The following ITGAD variants were observed in gnomAD, a reference collection of about 807,000 sequenced individuals.
ITGAD encodes integrin alpha-D.
In ITGAD, 105 loss-of-function variants were observed where a neutral mutation model predicts 139.0. That is an observed-to-expected ratio of 0.76 (90% CI 0.65 to 0.89). The LOEUF (loss-of-function observed/expected upper bound fraction) is 0.89. Among genes scored for constraint, ITGAD ranks in the 40% least tolerant of loss-of-function variants. The probability of loss-of-function intolerance (pLI) is 0.00; values close to 1 mark genes in which losing one functional copy is unlikely to be tolerated. For synonymous variants in ITGAD, 569 were observed against 598.3 expected (o/e 0.95, Z 0.71); for missense variants, 1,384 against 1,487.3 (o/e 0.93, Z 1.14).
chr16:31,405,969 C>T (rs1475036220), intron 7 of ITGAD, among the ~76,000 whole-genome samples: 1 of 152,128 alleles, frequency 6.6e-6, no homozygotes, highest in Non-Finnish European at 1.5e-5. Context: ...AAACCCTTTC[C>T]CCAGTGTTGG....
Position 31,418,554 on chromosome 16 carries a change from A to G in ITGAD, c.2770A>G (p.Met924Val), listed in dbSNP as rs141976418. 2.7e-4 allele frequency: 430 copies of G among 1,613,692 alleles called. No homozygotes were observed. Among genetic ancestry groups the G allele is most frequent in the Non-Finnish European group, 3.6e-4 (420 of 1,179,722 alleles). Residue 924 changes from methionine to valine, a missense_variant, in exon 23 of 30, where the codon ATG (methionine) becomes GTG (valine). Coordinates refer to ENST00000389202, the MANE Select transcript of ITGAD (RefSeq NM_005353.3). The stretch of plus-strand genomic sequence containing the variant: ...CCCGGTGAAGTATGCAGTCTACACC[A>G]TGATCAGCAGGTGCCCAGTCCCTGG... The part of the protein sequence containing the change: ...ELPVKYAVYT[M>V]ISRQEESTKY...
At chr16:31,422,468 T>A (rs555744333) in intron 23 of ITGAD, among the ~76,000 whole-genome samples, 29 of 152,282 alleles carry the variant, frequency 1.9e-4, no homozygotes. Flanking sequence ...CCGAATCTAT[T>A]TTCTTCATTC....
intron 10 of ITGAD, among the ~76,000 whole-genome samples, chr16:31,410,153 G>A (rs1396268365): frequency 6.6e-6 from 1 of 152,100 alleles, no homozygotes; most frequent in African/African-American, 2.4e-5. Context: ...CTGGCACTGG[G>A]GCAGTAGACA....
intron 16 of ITGAD, 130 bp downstream of exon 16, chr16:31,413,376 T>C (rs1225331159): frequency 2.4e-5 from 24 of 982,260 alleles, no homozygotes; most frequent in Non-Finnish European, 3.1e-5. Context: ...GCCAGAAACC[T>C]GGCTCATTCT....
At chr16:31,399,010 C>T (rs765441704) in intron 5 of ITGAD, among the ~76,000 whole-genome samples, 8 of 152,126 alleles carry the variant, frequency 5.3e-5, no homozygotes, top group African/African-American at 7.2e-5. Flanking sequence ...ACTTTCCTCT[C>T]GAAGAGGAGC....
rs746166938 is a variant in ITGAD at position 31,397,254 on chromosome 16, C to G, written c.138-105C>G. The G allele has an allele frequency of 2.3e-5, 17 of 736,076 alleles. No homozygotes were observed. The African/African-American group carries it at 2.6e-4, about 11-fold the overall frequency. 45.6% of individuals were successfully genotyped at this position (736,076 alleles called of 1,614,324 possible). A position where few individuals can be genotyped will look rare whatever the true frequency, so the allele number is the denominator to read the frequency against. ...AGTGGCAAATGCCAGGAATTTCCCC[C>G]ACAGAGTCTCGCTTCCCCATGGAGG... On this transcript the variant is annotated intron_variant, in intron 2 of 29. Coordinates refer to ENST00000389202, the MANE Select transcript of ITGAD (RefSeq NM_005353.3).
chr16:31,402,482 T>C (rs895846631), intron 6 of ITGAD: 46 of 339,332 alleles, frequency 1.4e-4, no homozygotes, highest in Admixed American at 4.2e-4. Context: ...TTTAAAAACA[T>C]TGAAAGTGTT....
intron 10 of ITGAD, among the ~76,000 whole-genome samples, chr16:31,409,956 G>A (rs1260137327): frequency 1.3e-5 from 2 of 151,050 alleles, no homozygotes; most frequent in African/African-American, 4.9e-5. Context: ...GACTCTTCCA[G>A]GGAGGGGAAA....
At position 31,414,246 on chromosome 16, in the gene ITGAD, G is replaced by T. The variant is rs78373814; in HGVS notation, c.1997-205G>T. Among the ~76,000 whole-genome samples, 6 of 148,750 alleles carry T rather than the reference G, an allele frequency of 4.0e-5. No homozygotes were observed. The Middle Eastern group carries it at 0.01, about 255-fold the overall frequency. On this transcript the variant is annotated intron_variant, in intron 16 of 29. Coordinates refer to ENST00000389202, the MANE Select transcript of ITGAD (RefSeq NM_005353.3). Reference sequence around the variant, plus strand: ...CTATCATCTATTTATCTATTATCTAGCCATCCATCCATCCATCCATCCATC... The same window carrying T: ...CTATCATCTATTTATCTATTATCTATCCATCCATCCATCCATCCATCCATC...
intron 7 of ITGAD, among the ~76,000 whole-genome samples, chr16:31,405,691 G>A (rs1435191451): frequency 6.8e-6 from 1 of 146,270 alleles, no homozygotes; most frequent in Non-Finnish European, 1.5e-5. Context: ...CTCCCAGGCT[G>A]GGGTGCGGTG....
At chr16:31,424,052 T>G (rs1215230904) in intron 27 of ITGAD, 50 bp from the exon 28 acceptor site, 19 of 1,611,198 alleles carry the variant, frequency 1.2e-5, no homozygotes, top group Admixed American at 1.7e-5. Flanking sequence ...CCCGAAGCTC[T>G]GAGCCTCCCC....
chr16:31,419,797 A>G (rs1337584244), intron 23 of ITGAD, among the ~76,000 whole-genome samples: 1 of 145,200 alleles, frequency 6.9e-6, no homozygotes, highest in African/African-American at 2.6e-5. Context: ...GGGGTGACAG[A>G]TTAAGGCTCT....
At chr16:31,421,764 C>T (rs370963353) in intron 23 of ITGAD, among the ~76,000 whole-genome samples, 1 of 152,064 alleles carries the variant, frequency 6.6e-6, no homozygotes, top group African/African-American at 2.4e-5. Flanking sequence ...GCCTCAGTGA[C>T]TCAGGTAGGA....
intron 7 of ITGAD, among the ~76,000 whole-genome samples, chr16:31,407,091 C>T (rs564964609): frequency 4.6e-5 from 7 of 152,332 alleles, no homozygotes; most frequent in East Asian, 1.9e-4. Flanking sequence ...TGGTGGCTCA[C>T]GCCTGCAATC....
rs1167551235 is a variant in ITGAD at position 31,403,421 on chromosome 16, C to A, written c.559-79C>A. ...CACTTGAGGCCAGGAGTTTGAGAGA[C>A]CCTGTCTCTACAAAAAATTAAAATA... On this transcript the variant is annotated intron_variant, in intron 6 of 29. Transcript: ENST00000389202. The surrounding 1 kb of genome is among the most constrained non-coding windows in gnomAD (Gnocchi z 4.4). The A allele has an allele frequency of 7.7e-6, 12 of 1,552,236 alleles. No homozygotes were observed. The highest frequency in any genetic ancestry group is 1.7e-4 in the Middle Eastern group (1 of 5,854).
At chr16:31,419,023 C>CAAAAAA (rs34885660) in intron 23 of ITGAD, among the ~76,000 whole-genome samples, 1 of 89,962 alleles carries the variant, frequency 1.1e-5, no homozygotes, top group Non-Finnish European at 2.1e-5. Flanking sequence ...GACTCTGTCT[C>CAAAAAA]AAAAAAAAAA....
rs535330794 is a variant in ITGAD at position 31,416,192 on chromosome 16, G to A, written c.2284-21G>A. ...AAGACTAAGATGTCAGATGGGAACA[G>A]AATATACTATTTTGCTGCAGCTCCC... On this transcript the variant is annotated intron_variant, in intron 18 of 29. Coordinates refer to ENST00000389202, the MANE Select transcript of ITGAD (RefSeq NM_005353.3). 4.4e-6 allele frequency: 7 copies of A among 1,586,400 alleles called. No homozygotes were observed. In the South Asian group the frequency reaches 5.7e-5, roughly 13 times the overall value.
chr16:31,423,625 C>G lies in ITGAD; in HGVS notation c.3022C>G (p.Gln1008Glu). 1.2e-6 allele frequency: 2 copies of G among 1,614,098 alleles called. No individual in the cohort carries two copies. Among genetic ancestry groups the G allele is most frequent in the South Asian group, 1.1e-5 (1 of 91,078 alleles). ...KPPQHSDFLT[Q>E]ISRSPMLDCS... Reference sequence around the variant, plus strand: ...TCCCCAGCATTCTGACTTCCTGACCCAGATTTCAAGAAGTCCCATGCTGGT... The same window carrying G: ...TCCCCAGCATTCTGACTTCCTGACCGAGATTTCAAGAAGTCCCATGCTGGT... The change falls in exon 26 of 30, where the codon CAG becomes GAG. Residue 1008 changes from glutamine to glutamate, a missense_variant. Gln to Glu is a conservative substitution (Grantham distance 29). Coordinates refer to ENST00000389202, the MANE Select transcript of ITGAD (RefSeq NM_005353.3).
In ITGAD at chr16:31,410,412, G is replaced by A; in HGVS notation, c.1101G>A (p.Gly367=). The change falls in exon 11 of 30, where the codon GGG becomes GGA. Residue 367 remains glycine (G), a synonymous_variant. Transcript: ENST00000389202. ...CCTCCCAGGATGGCCTCTTCCTGGG[G>A]GCTGTGGGGAGCTTTAGCTGGTCTG... is the stretch of plus-strand genomic sequence containing the variant. ...TALTMDGLFL[G]AVGSFSWSGG... The A allele has an allele frequency of 6.2e-7, 1 of 1,614,074 alleles. No individual in the cohort carries two copies. Among genetic ancestry groups the A allele is most frequent in the Non-Finnish European group, 8.5e-7 (1 of 1,179,988 alleles).
Sources: gnomAD v4.1 joint callset for allele counts (sites outside exome capture counted in the v4.1 genomes callset) on GRCh38, gnomAD v4.1.1 for gene constraint, Gnocchi (gnomAD v3.1) non-coding constraint, MANE v1.5 for transcripts, NCBI Gene and HGNC (gene_info 2026-07-23, HGNC 2026-07-21) for gene names.